Variants in EPS15L1 observed in about 807,000 individuals in gnomAD.
EPS15L1 encodes epidermal growth factor receptor pathway substrate 15 like 1.
EPS15L1 carries 43 observed loss-of-function variants against 117.1 expected under a neutral mutation model. The observed-to-expected ratio is 0.37, with a 90% CI of 0.29 to 0.47. The LOEUF is 0.47. Ranked by LOEUF, EPS15L1 falls within the 20% of genes least tolerant of loss-of-function variation. The pLI is 0.99. For missense variants in EPS15L1, 981 were observed against 1,164.0 expected, an observed-to-expected ratio of 0.84 and a Z score of 2.29; for synonymous variants, 459 against 470.5, an observed-to-expected ratio of 0.98 and a Z score of 0.32.
At chr19:16,401,338 TG>T in intron 16 of EPS15L1, 8 of 985,048 alleles carry the variant, frequency 8.1e-6, no homozygotes, top group Non-Finnish European at 9.6e-6. Context: ...CATCAAGCAT[TG>T]AACATAAAGA....
At chr19:16,415,732 C>G (rs948806509) in intron 12 of EPS15L1, among the ~76,000 whole-genome samples, 1 of 152,238 alleles carries the variant, frequency 6.6e-6, no homozygotes, top group African/African-American at 2.4e-5. Context: ...GTCACCTCCA[C>G]ATTGGGGAAA....
intron 1 of EPS15L1, among the ~76,000 whole-genome samples, chr19:16,462,779 G>A (rs1268624856): frequency 1.3e-5 from 2 of 152,196 alleles, no homozygotes; most frequent in Non-Finnish European, 2.9e-5. Flanking sequence ...TGCAAAGGGT[G>A]GGGGCAGGAC....
chr19:16,402,394 C>G lies in EPS15L1; in HGVS notation c.1718G>C (p.Gly573Ala). 1 of 1,614,148 alleles carries G rather than the reference C, an allele frequency of 6.2e-7. No individual in the cohort carries two copies. Among genetic ancestry groups the G allele is most frequent in the Non-Finnish European group, 8.5e-7 (1 of 1,180,010 alleles). The change falls in exon 16 of 24, where the codon GGT (glycine) becomes GCT (alanine). Residue 573 changes from glycine (G) to alanine (A), a missense_variant. Around this residue, in one of 5 missense-constraint regions of EPS15L1, gnomAD observed 819 missense variants for 949.0 expected, o/e 0.86. Transcript: ENST00000455140. ...QYDQVLDGAHGASLTDLANLS... is the reference protein window; with the variant it reads ...QYDQVLDGAHAASLTDLANLS... ...GTTGGCCAGGTCGGTCAGGCTGGCACCATGGGCTCCATCGAGCACCTGGTC... is the reference window on the plus strand; with the variant it reads ...GTTGGCCAGGTCGGTCAGGCTGGCAGCATGGGCTCCATCGAGCACCTGGTC...
chr19:16,463,772 C>T (rs552819852), intron 1 of EPS15L1, among the ~76,000 whole-genome samples: 1 of 152,342 alleles, frequency 6.6e-6, no homozygotes, highest in African/African-American at 2.4e-5. Context: ...TGTCCATCTC[C>T]ACCAGTGGTA....
chr19:16,402,598 G>C (rs1475122848), intron 15 of EPS15L1, 113 bp from the exon 16 acceptor site: 2 of 1,036,832 alleles, frequency 1.9e-6, no homozygotes, highest in Admixed American at 2.8e-5. Context: ...CTGGAATGTA[G>C]TGGAGTGATC....
In EPS15L1 at chr19:16,365,080, G is replaced by A. The variant is rs570424821; in HGVS notation, c.2381-3096C>T. Among the ~76,000 whole-genome samples, 1 of 152,350 alleles carries A rather than the reference G, an allele frequency of 6.6e-6. No homozygotes were observed. Among genetic ancestry groups the A allele is most frequent in the South Asian group, 2.1e-4 (1 of 4,834 alleles). Reference sequence around the variant, plus strand: ...CTCTGCCTGGAAGGCACTCCCAACTGGAATGCCATCACAGGCAGTGGCCTT... The same window carrying A: ...CTCTGCCTGGAAGGCACTCCCAACTAGAATGCCATCACAGGCAGTGGCCTT... On this transcript the variant is annotated intron_variant, in intron 22 of 23. Transcript: ENST00000455140. This position sits in a 1 kb window ranked among gnomAD's most constrained non-coding sequence, Gnocchi z 4.9.
At position 16,452,144 on chromosome 19, in the gene EPS15L1, A is replaced by C. The variant is rs545050496; in HGVS notation, c.34-9925T>G. Among the ~76,000 whole-genome samples the C allele has an allele frequency of 1.7e-4, 25 of 151,050 alleles. 1 individual carries two copies. The highest frequency in any genetic ancestry group is 6.6e-4 in the Admixed American group (10 of 15,194). On this transcript the variant is annotated intron_variant, in intron 1 of 23. Transcript: ENST00000455140. ...ACAGAGTGAGACTTCGTCTCAAAAA[A>C]AAAAAACCACACAACAGGAGGCTGG...
intron 4 of EPS15L1, among the ~76,000 whole-genome samples, chr19:16,439,064 T>C (rs947952067): frequency 1.3e-5 from 2 of 149,306 alleles, no homozygotes; most frequent in South Asian, 2.1e-4. Context: ...ACTTAGCTTG[T>C]TTTTTTTCTG....
At chr19:16,386,088 T>G in intron 20 of EPS15L1, 83 bp downstream of exon 20, 1 of 1,069,644 alleles carries the variant, frequency 9.3e-7, no homozygotes, top group Non-Finnish European at 1.4e-6. Context: ...CACGCTGGCT[T>G]TGGGAGTGAA....
chr19:16,391,292 T>G (rs2092471564), intron 19 of EPS15L1, among the ~76,000 whole-genome samples: 4 of 152,104 alleles, frequency 2.6e-5, no homozygotes, highest in African/African-American at 7.2e-5. Context: ...AAAAGCTGGT[T>G]ATGGGAAAGG....
chr19:16,387,634 T>C (rs2092433583), intron 19 of EPS15L1, among the ~76,000 whole-genome samples: 1 of 152,046 alleles, frequency 6.6e-6, no homozygotes, highest in African/African-American at 2.4e-5. Context: ...GGCTTGGTGG[T>C]GCATGCCTGT....
At chr19:16,376,944 C>T (rs2092303664) in intron 22 of EPS15L1, among the ~76,000 whole-genome samples, 178 bp downstream of exon 22, 1 of 152,236 alleles carries the variant, frequency 6.6e-6, no homozygotes, top group African/African-American at 2.4e-5. Flanking sequence ...AGGAGGCACA[C>T]ACCACGCACA....
chr19:16,440,250 T>C (rs373038454), intron 4 of EPS15L1, among the ~76,000 whole-genome samples: 1 of 152,058 alleles, frequency 6.6e-6, no homozygotes, highest in South Asian at 2.1e-4. Flanking sequence ...CTGGCCAAGA[T>C]AGTGAAACAC....
At chr19:16,449,321 C>T (rs949327934) in intron 1 of EPS15L1, among the ~76,000 whole-genome samples, 2 of 151,906 alleles carry the variant, frequency 1.3e-5, no homozygotes, top group African/African-American at 4.8e-5. Context: ...GATCTGAAGG[C>T]AAAAAGACAT....
intron 13 of EPS15L1, chr19:16,412,709 G>A: frequency 9.7e-6 from 1 of 103,330 alleles, no homozygotes; most frequent in South Asian, 1.1e-4. Context: ...GGTGCAGCGG[G>A]GGGTGGGGGG....
chr19:16,413,545 G>T, intron 13 of EPS15L1: 2 of 726,002 alleles, frequency 2.8e-6, no homozygotes, highest in Admixed American at 2.4e-5. Context: ...TCCATGCAGA[G>T]CACCCAGGCT....
intron 1 of EPS15L1, among the ~76,000 whole-genome samples, chr19:16,468,874 G>C (rs1411069283): frequency 2.6e-5 from 4 of 152,278 alleles, no homozygotes; most frequent in South Asian, 2.1e-4. Flanking sequence ...TAATTAGCTG[G>C]GTATGATTGG....
Position 16,471,884 on chromosome 19 carries a change from C to T in EPS15L1, c.33+29G>A. ...GCTCGCCTCGCGCCCCGCACCCCGG[C>T]GCCGCCCCCAGGCCCGCCCGGCCCG... On this transcript the variant is annotated intron_variant, in intron 1 of 23. Transcript: ENST00000455140. This position sits in a 1 kb window ranked among gnomAD's most constrained non-coding sequence, Gnocchi z 4.8. The T allele has an allele frequency of 4.7e-6, 6 of 1,286,642 alleles. No homozygotes were observed. Among genetic ancestry groups the T allele is most frequent in the Non-Finnish European group, 6.0e-6 (6 of 1,008,178 alleles). 79.7% of individuals were successfully genotyped at this position (1,286,642 alleles called of 1,614,324 possible).
chr19:16,452,354 G>A (rs2093153641), intron 1 of EPS15L1, among the ~76,000 whole-genome samples: 2 of 151,634 alleles, frequency 1.3e-5, no homozygotes, highest in South Asian at 4.1e-4. Flanking sequence ...GCTGCGGCAG[G>A]AGAATCACTT....
Sources: gnomAD v4.1 joint callset for allele counts (sites outside exome capture counted in the v4.1 genomes callset) on GRCh38, gnomAD v4.1.1 for gene constraint, gnomAD v4.1.1 regional missense constraint, Gnocchi (gnomAD v3.1) non-coding constraint, MANE v1.5 for transcripts, NCBI Gene and HGNC (gene_info 2026-07-23, HGNC 2026-07-21) for gene names.